POLE: variants seen among roughly 807,000 people sequenced by gnomAD.
POLE encodes the protein DNA polymerase epsilon catalytic subunit A.
In POLE, 188 loss-of-function variants were observed where a neutral mutation model predicts 279.2. That is an observed-to-expected ratio of 0.67 (90% CI 0.60 to 0.76). The LOEUF (loss-of-function observed/expected upper bound fraction) is 0.76. Among genes scored for constraint, POLE ranks in the 30% least tolerant of loss-of-function variants. The pLI, the probability that POLE is intolerant of heterozygous loss-of-function variation, is 0.00. For missense variants in POLE, 2,703 were observed against 3,016.7 expected, an observed-to-expected ratio of 0.90 and a Z score of 2.44; for synonymous variants, 1,214 against 1,172.5, an observed-to-expected ratio of 1.04 and a Z score of -0.72.
intron 38 of POLE, 36 bp from the exon 39 acceptor site, chr12:132,641,887 G>C (rs764455308): frequency 1.3e-6 from 2 of 1,586,968 alleles, no homozygotes; most frequent in Admixed American, 3.3e-5. Flanking sequence ...CCAGCATCCT[G>C]CCAGCTCCAG....
chr12:132,624,838 C>A lies in POLE; in HGVS notation c.6748-28G>T, dbSNP rs376902172. 5.2e-4 allele frequency: 825 copies of A among 1,586,582 alleles called. 1 individual carries two copies. Among genetic ancestry groups the A allele is most frequent in the Non-Finnish European group, 6.7e-4 (778 of 1,155,458 alleles). On this transcript the variant is annotated intron_variant, in intron 48 of 48. Transcript: ENST00000320574. Reference sequence around the variant, plus strand: ...GCAGGAATAAACAGGCACAGTGAGACCCCAGTCCACTCAGAGAGGAGGCCA... The same window carrying A: ...GCAGGAATAAACAGGCACAGTGAGAACCCAGTCCACTCAGAGAGGAGGCCA...
rs539491903 is a variant in POLE, at chr12:132,636,191, G to A, written c.5679-167C>T. On this transcript the variant is annotated intron_variant, in intron 41 of 48. Transcript: ENST00000320574. ...GGCTTCCTGGGGAAATGTGGTAAAC[G>A]TAAAACTAAGGAGGCCCACCAGGCC... Among the ~76,000 whole-genome samples the A allele has an allele frequency of 2.6e-5, 4 of 152,156 alleles. No individual in the cohort carries two copies. In the South Asian group the frequency reaches 6.2e-4, roughly 24 times the overall value.
At chr12:132,645,608 C>CA (rs1483258853) in intron 32 of POLE, among the ~76,000 whole-genome samples, 1 of 152,020 alleles carries the variant, frequency 6.6e-6, no homozygotes, top group African/African-American at 2.4e-5. Flanking sequence ...AACAAACAAA[C>CA]AAAAAAACCT....
intron 32 of POLE, among the ~76,000 whole-genome samples, chr12:132,647,432 A>G (rs2042311242): frequency 6.6e-6 from 1 of 151,960 alleles, no homozygotes; most frequent in Non-Finnish European, 1.5e-5. Flanking sequence ...TAAAGGGAAA[A>G]AGCATTTATC....
At chr12:132,673,328 G>T (rs771970198) in intron 13 of POLE, 51 bp from the exon 14 acceptor site, 1 of 1,339,436 alleles carries the variant, frequency 7.5e-7, no homozygotes, top group East Asian at 2.3e-5. Flanking sequence ...AGAGCCCAGG[G>T]TCAAGTGTGA....
Position 132,666,173 on chromosome 12 carries a change from C to T in POLE, c.2320-723G>A, listed in dbSNP as rs181168862. Reference sequence around the variant, plus strand: ...GCGACAGCCAAAAGGTGGAAGCAACCCAAGTGCACGTCGGTGTATGAAGGA... The same window carrying T: ...GCGACAGCCAAAAGGTGGAAGCAACTCAAGTGCACGTCGGTGTATGAAGGA... On this transcript the variant is annotated intron_variant, in intron 20 of 48. Coordinates refer to ENST00000320574, the MANE Select transcript of POLE (RefSeq NM_006231.4). Among the ~76,000 whole-genome samples, 39 of 152,264 alleles carry T rather than the reference C, an allele frequency of 2.6e-4. No individual in the cohort carries two copies. In the East Asian group the frequency reaches 7.5e-3, roughly 29 times the overall value.
Position 132,661,150 on chromosome 12 carries a change from T to C in POLE, c.2879A>G (p.Asn960Ser), listed in dbSNP as rs746311547. Residue 960 changes from asparagine to serine, a missense_variant, in exon 25 of 49, where the codon AAT becomes AGT. Physicochemically the swap from Asn to Ser is conservative, Grantham distance 46. Transcript: ENST00000320574. This position sits in a 1 kb window ranked among gnomAD's most constrained non-coding sequence, Gnocchi z 4.1. ...KKLKKRYAVF[N>S]EDGSLAELKG... Reference sequence around the variant, plus strand: ...GAGCTCAGCCAGAGAACCGTCTTCATTGAACACAGCATACCTGAAAAAAAA... The same window carrying C: ...GAGCTCAGCCAGAGAACCGTCTTCACTGAACACAGCATACCTGAAAAAAAA... The C allele has an allele frequency of 1.8e-5, 29 of 1,609,560 alleles. No individual in the cohort carries two copies. The highest frequency in any genetic ancestry group is 1.1e-4 in the African/African-American group (8 of 74,434).
At position 132,672,695 on chromosome 12, in the gene POLE, C is replaced by T. The variant is rs770307281; in HGVS notation, c.1618G>A (p.Val540Ile). The change falls in exon 15 of 49, where the codon GTC becomes ATC. Residue 540 changes from valine (V) to isoleucine (I), a missense_variant. Transcript: ENST00000320574. ...DGHVLDSETY[V>I]GGHVEALESG... ...TCGAGGGCCTCCACGTGGCCCCCGA[C>T]GTAGGTCTCAGAGTCCAGCACGTGT... is the stretch of plus-strand genomic sequence containing the variant. The T allele has an allele frequency of 1.3e-5, 21 of 1,614,162 alleles. No homozygotes were observed. Among genetic ancestry groups the T allele is most frequent in the South Asian group, 4.4e-5 (4 of 91,084 alleles).
chr12:132,633,808 GGGCTTTATCTTCAGCTACTGAACGT>G (rs1240602045), intron 43 of POLE: 2 of 172,600 alleles, frequency 1.2e-5, no homozygotes, highest in African/African-American at 4.7e-5. Context: ...ACCTGACCCA[GGGCTTTATCTTCAGCTACTGAACGT>G]GCACACACAC....
rs564807391 is a variant in POLE, at chr12:132,643,572, G to A, written c.4291-12C>T. The A allele has an allele frequency of 4.3e-5, 70 of 1,613,862 alleles. 1 individual carries two copies. In the South Asian group the frequency reaches 5.3e-4, roughly 12 times the overall value. On this transcript the variant is annotated splice_polypyrimidine_tract_variant and intron_variant, in intron 33 of 48. Transcript: ENST00000320574. ...AACAGTAACGGAACCTGGAAGAATC[G>A]GGCAGACAGGCCGGCAAGGGCTGGA... is the stretch of plus-strand genomic sequence containing the variant.
chr12:132,656,250 C>T (rs893720142), intron 29 of POLE, among the ~76,000 whole-genome samples: 1 of 152,184 alleles, frequency 6.6e-6, no homozygotes, highest in Non-Finnish European at 1.5e-5. Flanking sequence ...CACTGCACTC[C>T]TGCCTGGGCA....
chr12:132,686,894 C>T (rs1327136308), intron 1 of POLE, among the ~76,000 whole-genome samples: 3 of 151,474 alleles, frequency 2.0e-5, no homozygotes, highest in Non-Finnish European at 4.4e-5. Context: ...TCCCCAGCCG[C>T]GCGTCCACCC....
Position 132,661,043 on chromosome 12 carries a change from C to T in POLE, c.2986G>A (p.Gly996Ser), listed in dbSNP as rs1216797884. 1.2e-6 allele frequency: 2 copies of T among 1,614,164 alleles called. No homozygotes were observed. The highest frequency in any genetic ancestry group is 1.7e-5 in the Admixed American group (1 of 60,030). The change falls in exon 25 of 49, where the codon GGC becomes AGC. Residue 996 changes from glycine to serine, a missense_variant. By Grantham distance (56) the Gly-to-Ser change is moderately conservative. Around this residue, in one of 5 missense-constraint regions of POLE, gnomAD observed 19 missense variants for 51.5 expected, o/e 0.37. Coordinates refer to ENST00000320574, the MANE Select transcript of POLE (RefSeq NM_006231.4). The surrounding 1 kb of genome is among the most constrained non-coding windows in gnomAD (Gnocchi z 4.1). ...QSSVFEAFLK[G>S]STLEEVYGSV... ...CCATACACCTCTTCCAGCGTGCTGC[C>T]CTTGAGGAAGGCCTCAAACACCGAG...
In POLE at chr12:132,626,300, G is replaced by T; in HGVS notation, c.6348C>A (p.Thr2116=). The T allele has an allele frequency of 6.2e-7, 1 of 1,613,658 alleles. No individual in the cohort carries two copies. Among genetic ancestry groups the T allele is most frequent in the Non-Finnish European group, 8.5e-7 (1 of 1,180,034 alleles). Residue 2116 remains threonine (T), a synonymous_variant, in exon 46 of 49, where the codon ACC becomes ACA. Coordinates refer to ENST00000320574, the MANE Select transcript of POLE (RefSeq NM_006231.4). ...GCTTATTCACCTGGTTTGTGATGTTGGTGTCCAGGGACAGCACCTGCAGAG... is the reference window on the plus strand; with the variant it reads ...GCTTATTCACCTGGTTTGTGATGTTTGTGTCCAGGGACAGCACCTGCAGAG... ...KYVCKVLSLD[T]NITNQVNKLN... is the part of the protein sequence containing the mutation.
rs758487568 is a variant in POLE, at chr12:132,643,512, C to CCA, written c.4337_4338dup (p.Val1447TrpfsTer7). ...AGGTGCCTCACCAGCTGTTTATTGA[C>CCA]CACACACACACAGCCCAGGTGCACC... On this transcript the variant is annotated frameshift_variant, in exon 34 of 49. Transcript: ENST00000320574. LOFTEE classifies it high-confidence loss of function. 55 of 1,614,004 alleles carry CCA rather than the reference C, an allele frequency of 3.4e-5. No individual in the cohort carries two copies. Among genetic ancestry groups the CCA allele is most frequent in the Middle Eastern group, 1.7e-4 (1 of 6,056 alleles).
chr12:132,679,567 T>G lies in POLE; in HGVS notation c.508A>C (p.Ile170Leu), dbSNP rs1331686551. Reference protein sequence around the residue: ...VEDLVKVRKEISPAVKKNREQ... With the variant: ...VEDLVKVRKELSPAVKKNREQ... ...CTGTTCTTCTTCACGGCAGGGGAGATCTCCTTCCTCACTTTGACAAGATCC... is the reference window on the plus strand; with the variant it reads ...CTGTTCTTCTTCACGGCAGGGGAGAGCTCCTTCCTCACTTTGACAAGATCC... Residue 170 changes from isoleucine (I) to leucine (L), a missense_variant, in exon 6 of 49, where the codon ATC (isoleucine) becomes CTC (leucine). Ile to Leu is a conservative substitution (Grantham distance 5). Coordinates refer to ENST00000320574, the MANE Select transcript of POLE (RefSeq NM_006231.4). The G allele has an allele frequency of 1.2e-6, 2 of 1,613,976 alleles. No homozygotes were observed. Among genetic ancestry groups the G allele is most frequent in the Non-Finnish European group, 1.7e-6 (2 of 1,179,954 alleles).
At position 132,677,567 on chromosome 12, in the gene POLE, G is replaced by A. The variant is rs754021189; in HGVS notation, c.720+11C>T. The A allele has an allele frequency of 1.2e-6, 2 of 1,613,970 alleles. No individual in the cohort carries two copies. The highest frequency in any genetic ancestry group is 1.3e-5 in the African/African-American group (1 of 74,912). On this transcript the variant is annotated intron_variant, in intron 7 of 48. Transcript: ENST00000320574. ...TTCATGTGAGCAGCGACCCAACCCTGCCCCACTCACCACGTGGATCTTCAG... is the reference window on the plus strand; with the variant it reads ...TTCATGTGAGCAGCGACCCAACCCTACCCCACTCACCACGTGGATCTTCAG...
rs2138543857 is a variant in POLE at position 132,643,011 on chromosome 12, G to A, written c.4552-15C>T. ...TTGCTGCGCACCTAGACCAACGCAG[G>A]CCACGTCAGCCTCCCCCTGCGCAGG... On this transcript the variant is annotated splice_polypyrimidine_tract_variant and intron_variant, in intron 35 of 48. Coordinates refer to ENST00000320574, the MANE Select transcript of POLE (RefSeq NM_006231.4). 1 of 1,576,776 alleles carries A rather than the reference G, an allele frequency of 6.3e-7. No individual in the cohort carries two copies. Among genetic ancestry groups the A allele is most frequent in the Non-Finnish European group, 8.6e-7 (1 of 1,164,474 alleles).
rs5745089 is a variant in POLE, at chr12:132,624,163, G to A, written c.*534C>T. On this transcript the variant is annotated 3_prime_UTR_variant, in exon 49 of 49. Transcript: ENST00000320574. ...CTCACGGGTTAGGGTCTGGATTCCTGGGGAAACCAGCCCACAAACTGCTCC... is the reference window on the plus strand; with the variant it reads ...CTCACGGGTTAGGGTCTGGATTCCTAGGGAAACCAGCCCACAAACTGCTCC... The A allele has an allele frequency of 0.06, 13,168 of 218,238 alleles. 643 individuals are homozygous for A. The highest frequency in any genetic ancestry group is 0.14 in the Admixed American group (2,478 of 18,148). The allele number at this position is 218,238 out of a possible 1,614,324, so 13.5% of individuals were successfully genotyped here.
Sources: gnomAD v4.1 joint callset for allele counts (sites outside exome capture counted in the v4.1 genomes callset) on GRCh38, gnomAD v4.1.1 for gene constraint, gnomAD v4.1.1 regional missense constraint, Gnocchi (gnomAD v3.1) non-coding constraint, MANE v1.5 for transcripts, NCBI Gene and HGNC (gene_info 2026-07-23, HGNC 2026-07-21) for gene names.